TAF1: variants seen among roughly 807,000 people sequenced by gnomAD.
The protein encoded by TAF1 is transcription initiation factor TFIID subunit 1.
Under a neutral mutation model 138.5 loss-of-function variants are expected in TAF1, and 2 were observed. The observed-to-expected ratio is 0.01, with a 90% CI of 0.01 to 0.05. The LOEUF is 0.05. Among genes scored for constraint, TAF1 ranks in the 10% least tolerant of loss-of-function variants. The pLI is 1.00. For synonymous variants in TAF1, 437 were observed against 503.2 expected (o/e 0.87, Z 1.76); for missense variants, 709 against 1,478.0 (o/e 0.48, Z 8.53).
At chrX:71,455,157 T>C in intron 34 of TAF1, 1 of 840,256 alleles carries the variant, frequency 1.2e-6, no homozygotes, top group Non-Finnish European at 1.7e-6. Flanking sequence ...CTCGGGAATT[T>C]TCTTGTCCAT....
downstream of TAF1, among the ~76,000 whole-genome samples, chrX:71,469,324 C>G (rs765071532): frequency 9.0e-6 from 1 of 111,557 alleles, no homozygotes; most frequent in Admixed American, 9.5e-5. Flanking sequence ...GGGAAAAGCT[C>G]ATAACATAAT....
At chrX:71,368,894 A>G (rs1479386834) in intron 3 of TAF1, 3 of 83,006 alleles carry the variant, frequency 3.6e-5, no homozygotes, top group African/African-American at 9.1e-5. Context: ...TTTCTTGCCC[A>G]GGTTGGAGTG....
chrX:71,372,859 ATACTTACT>A (rs1228990770), intron 3 of TAF1, among the ~76,000 whole-genome samples: 1 of 111,591 alleles, frequency 9.0e-6, no homozygotes, highest in African/African-American at 3.3e-5. Context: ...GGAAGTTGCT[ATACTTACT>A]TTTTTGTTTG....
intron 13 of TAF1, among the ~76,000 whole-genome samples, chrX:71,499,871 C>T (rs1486522603): frequency 2.7e-5 from 3 of 111,899 alleles, no homozygotes; most frequent in East Asian, 5.5e-4. Flanking sequence ...CAAGTGAGAT[C>T]GAAGGTTTGC....
At chrX:71,490,385 A>C (rs903790602) in intron 13 of TAF1, among the ~76,000 whole-genome samples, 9 of 112,172 alleles carry the variant, frequency 8.0e-5, no homozygotes, top group African/African-American at 2.9e-4. Flanking sequence ...TGAAATAGAC[A>C]GGTGACTATA....
At chrX:71,370,176 AATG>A (rs1264401951) in intron 3 of TAF1, among the ~76,000 whole-genome samples, 11 of 112,029 alleles carry the variant, frequency 9.8e-5, no homozygotes, top group African/African-American at 3.2e-4. Flanking sequence ...AGTGAGCCGA[AATG>A]ATGCTGCTGC....
intron 7 of TAF1, 29 bp downstream of exon 7, chrX:71,378,482 A>G (rs1478876654): frequency 1.7e-6 from 2 of 1,192,401 alleles, no homozygotes; most frequent in Non-Finnish European, 2.3e-6. Context: ...TAAGAAAGGA[A>G]TCAATGTACT....
chrX:71,435,105 T>C (rs1037337251), intron 32 of TAF1, among the ~76,000 whole-genome samples: 4 of 112,290 alleles, frequency 3.6e-5, no homozygotes, highest in Non-Finnish European at 7.5e-5. Context: ...TCTAGTGCTC[T>C]TAAAACCAAA....
chrX:71,409,668 G>A (rs143166130), intron 28 of TAF1, among the ~76,000 whole-genome samples: 179 of 110,904 alleles, frequency 1.6e-3, no homozygotes, highest in African/African-American at 5.7e-3. Flanking sequence ...GTAGTACTAC[G>A]TGAATTTTAA....
Position 71,474,370 on chromosome X carries a change from GA to G in TAF1, c.1366+13572del, listed in dbSNP as rs773675273. Among the ~76,000 whole-genome samples, 4 of 111,512 alleles carry G rather than the reference GA, an allele frequency of 3.6e-5. No homozygotes were observed. In the East Asian group the frequency reaches 8.4e-4, roughly 23 times the overall value. ...TATTAGGGAAGGAGCCAGGCTTGGG[GA>G]AAAAGCACCTGTTATAAGACTATAA... On this transcript the variant is annotated intron_variant and NMD_transcript_variant, in intron 13 of 14. Coordinates refer to the TAF1 transcript ENST00000373775.
At chrX:71,423,491 C>T (rs1313808225) in intron 30 of TAF1, among the ~76,000 whole-genome samples, 1 of 110,901 alleles carries the variant, frequency 9.0e-6, no homozygotes, top group Non-Finnish European at 1.9e-5. Context: ...CTGTTGTTGA[C>T]ATTCAGTATA....
chrX:71,501,836 A>G (rs2039515024), intron 13 of TAF1, among the ~76,000 whole-genome samples: 1 of 111,194 alleles, frequency 9.0e-6, no homozygotes. Flanking sequence ...CCTGAATTCT[A>G]AGGAAAAATA....
In TAF1 at chrX:71,392,631, G is replaced by C. The variant is rs1184983026; in HGVS notation, c.2844G>C (p.Leu948=). ...TTGCTGCCATGAAGGGCAAGTGTCT[G>C]CTAGAGGTGACTGGGGTGGCAGATC... The part of the protein sequence containing the change: ...AFIAAMKGKC[L]LEVTGVADPT... Residue 948 remains leucine (L), a synonymous_variant, in exon 19 of 38, where the codon CTG becomes CTC. Coordinates refer to ENST00000423759, the MANE Select transcript of TAF1 (RefSeq NM_004606.5). 3 of 1,208,683 alleles carry C rather than the reference G, an allele frequency of 2.5e-6. No homozygotes were observed. The highest frequency in any genetic ancestry group is 3.4e-6 in the Non-Finnish European group (3 of 894,810).
intron 32 of TAF1, among the ~76,000 whole-genome samples, chrX:71,448,020 A>G (rs766881203): frequency 1.8e-5 from 2 of 112,259 alleles, no homozygotes; most frequent in East Asian, 5.6e-4. Context: ...GAGAAAAAGC[A>G]AAATATACTC....
intron 3 of TAF1, among the ~76,000 whole-genome samples, chrX:71,374,523 C>G (rs2033331457): frequency 8.9e-6 from 1 of 111,851 alleles, no homozygotes; most frequent in African/African-American, 3.2e-5. Context: ...TACTGCTCAT[C>G]AAAGCCTTGA....
intron 18 of TAF1, among the ~76,000 whole-genome samples, chrX:71,391,481 C>T (rs748928254): frequency 4.5e-5 from 5 of 110,219 alleles, no homozygotes; most frequent in Admixed American, 9.7e-5. Context: ...GCCAAGGGTT[C>T]AAGACCAACC....
intron 13 of TAF1, among the ~76,000 whole-genome samples, chrX:71,508,086 C>CTATA (rs1556033075): frequency 7.2e-4 from 66 of 92,180 alleles, no homozygotes; most frequent in East Asian, 5.5e-3. Flanking sequence ...CTCTCTCTCT[C>CTATA]TATATATATA....
intron 13 of TAF1, among the ~76,000 whole-genome samples, chrX:71,520,505 A>T (rs2039912933): frequency 1.0e-5 from 1 of 96,856 alleles, no homozygotes; most frequent in African/African-American, 3.8e-5. Flanking sequence ...ACATGGTGAA[A>T]CCCCCGTCTC....
At chrX:71,440,959 CTTG>C (rs768018419) in intron 32 of TAF1, among the ~76,000 whole-genome samples, 12 of 110,028 alleles carry the variant, frequency 1.1e-4, no homozygotes, top group African/African-American at 4.0e-4. Context: ...TCTTCTTCTT[CTTG>C]TTATCTTTGC....
Sources: allele counts gnomAD v4.1 joint callset (sites outside exome capture counted in the v4.1 genomes callset), GRCh38; gene constraint gnomAD v4.1.1; transcripts MANE v1.5; gene names NCBI Gene and HGNC (gene_info 2026-07-23, HGNC 2026-07-21).